MLLT3: variants seen among roughly 807,000 people sequenced by gnomAD.
The protein encoded by MLLT3 is protein AF-9.
In MLLT3, 4 loss-of-function variants were observed where a neutral mutation model predicts 53.2. The observed-to-expected ratio is 0.08, with a 90% CI of 0.04 to 0.17. The LOEUF is 0.17. Ranked by LOEUF, MLLT3 falls within the 10% of genes least tolerant of loss-of-function variation. The pLI, the probability that MLLT3 is intolerant of heterozygous loss-of-function variation, is 1.00. For synonymous variants in MLLT3, 283 were observed against 230.6 expected (o/e 1.23, Z -2.06); for missense variants, 569 against 684.0 (o/e 0.83, Z 1.87).
intron 5 of MLLT3, among the ~76,000 whole-genome samples, chr9:20,384,849 AC>A (rs1821994664): frequency 6.6e-6 from 1 of 152,040 alleles, no homozygotes; most frequent in Non-Finnish European, 1.5e-5. Context: ...TCTCTGCCAA[AC>A]CAAATTTGAC....
intron 2 of MLLT3, among the ~76,000 whole-genome samples, chr9:20,473,390 AATGTT>A (rs1471281547): frequency 6.6e-6 from 1 of 152,144 alleles, no homozygotes; most frequent in Non-Finnish European, 1.5e-5. Context: ...AATTGTTAAT[AATGTT>A]GAGTTTCACC....
intron 2 of MLLT3, among the ~76,000 whole-genome samples, chr9:20,539,727 C>T (rs1412897966): frequency 6.6e-6 from 1 of 152,126 alleles, no homozygotes; most frequent in Non-Finnish European, 1.5e-5. Flanking sequence ...TCATTCTTCC[C>T]CTGACCCCTC....
chr9:20,606,516 GTACTTTTA>G (rs1820575922), intron 2 of MLLT3, among the ~76,000 whole-genome samples: 2 of 152,094 alleles, frequency 1.3e-5, no homozygotes, highest in Admixed American at 1.3e-4. Flanking sequence ...AGGCTACAAA[GTACTTTTA>G]TTTGAAAAGC....
chr9:20,491,449 G>A (rs1030320998), intron 2 of MLLT3, among the ~76,000 whole-genome samples: 1 of 151,954 alleles, frequency 6.6e-6, no homozygotes, highest in Non-Finnish European at 1.5e-5. Context: ...CAATAATATA[G>A]AAAGACATCA....
chr9:20,564,348 AG>A (rs1205843772), intron 2 of MLLT3, among the ~76,000 whole-genome samples: 1 of 152,152 alleles, frequency 6.6e-6, no homozygotes, highest in African/African-American at 2.4e-5. Context: ...CTTAGAAAAG[AG>A]ATGGCTCTTA....
In MLLT3 at chr9:20,531,937, T is replaced by A. The variant is rs79458457; in HGVS notation, c.194-75151A>T. Among the ~76,000 whole-genome samples the A allele has an allele frequency of 3.4e-3, 521 of 152,088 alleles. 14 individuals are homozygous for A. The East Asian group carries it at 0.055, about 16-fold the overall frequency. ...TAGCTTTCACAGGAAAAGCTAAAAA[T>A]TTTCATTTTAGTTTAGACTAAATAA... On this transcript the variant is annotated intron_variant, in intron 2 of 10. Transcript: ENST00000380338.
intron 2 of MLLT3, among the ~76,000 whole-genome samples, chr9:20,492,622 G>C (rs987665288): frequency 2.0e-5 from 3 of 151,734 alleles, no homozygotes; most frequent in African/African-American, 7.3e-5. Context: ...TAATGTGCTA[G>C]ATTTAATAGA....
intron 2 of MLLT3, among the ~76,000 whole-genome samples, chr9:20,468,136 T>C (rs1824281381): frequency 1.3e-5 from 2 of 152,232 alleles, no homozygotes; most frequent in African/African-American, 2.4e-5. Flanking sequence ...TTATCCATGC[T>C]AGAAAGCATG....
chr9:20,407,638 C>G (rs1201894197), intron 5 of MLLT3, among the ~76,000 whole-genome samples: 1 of 152,202 alleles, frequency 6.6e-6, no homozygotes, highest in Admixed American at 6.5e-5. Context: ...TTACCACCAA[C>G]CTCCTCTTAG....
At chr9:20,600,256 T>A (rs1377968486) in intron 2 of MLLT3, among the ~76,000 whole-genome samples, 7 of 152,190 alleles carry the variant, frequency 4.6e-5, no homozygotes, top group African/African-American at 1.7e-4. Context: ...CATCTTGTTG[T>A]GCTGTTATTG....
rs1236252077 is a variant in MLLT3, at chr9:20,345,052, A to G, written c.*1391T>C. The G allele has an allele frequency of 1.4e-5, 3 of 216,630 alleles. No homozygotes were observed. The highest frequency in any genetic ancestry group is 6.7e-5 in the African/African-American group (3 of 44,488). The allele number at this position is 216,630 out of a possible 1,614,324, so 13.4% of individuals were successfully genotyped here. A position where few individuals can be genotyped will look rare whatever the true frequency, so the allele number is the denominator to read the frequency against. ...TGGAGAAGATGGAATAATGACACCA[A>G]AAGTACTTTGGTTTTTTTCTTTTAA... is the stretch of plus-strand genomic sequence containing the variant. On this transcript the variant is annotated 3_prime_UTR_variant, in exon 11 of 11. Coordinates refer to ENST00000380338, the MANE Select transcript of MLLT3 (RefSeq NM_004529.4).
Position 20,471,018 on chromosome 9 carries a change from ATCACTGATG to A in MLLT3, c.194-14241_194-14233del, listed in dbSNP as rs533224411. Among the ~76,000 whole-genome samples the A allele has an allele frequency of 3.1e-4, 47 of 152,106 alleles. 1 individual carries two copies. The South Asian group carries it at 9.7e-3, about 31-fold the overall frequency. On this transcript the variant is annotated intron_variant, in intron 2 of 10. Transcript: ENST00000380338. ...ACACCTTTCATCACGTCCCTGAAAGATCACTGATGTCACATAAATCTATAACATAAGGAA... is the reference window on the plus strand; with the variant it reads ...ACACCTTTCATCACGTCCCTGAAAGATCACATAAATCTATAACATAAGGAA...
intron 2 of MLLT3, among the ~76,000 whole-genome samples, chr9:20,565,969 T>TTATAAAATATATATATATATAA (rs1563820603): frequency 3.9e-4 from 15 of 38,530 alleles, no homozygotes; most frequent in Non-Finnish European, 6.0e-4. Flanking sequence ...TATATATATT[T>TTATAAAATATATATATATATAA]ATATATATAT....
chr9:20,385,691 C>T (rs1329032376), intron 5 of MLLT3, among the ~76,000 whole-genome samples: 1 of 152,108 alleles, frequency 6.6e-6, no homozygotes, highest in Non-Finnish European at 1.5e-5. Flanking sequence ...CAAGTCACAA[C>T]ATTTAAAAAT....
chr9:20,492,822 TC>T (rs1824983130), intron 2 of MLLT3, among the ~76,000 whole-genome samples: 1 of 151,970 alleles, frequency 6.6e-6, no homozygotes, highest in Non-Finnish European at 1.5e-5. Context: ...AGCTTATAGA[TC>T]TGATCTTGAA....
At chr9:20,439,589 G>A (rs1028423688) in intron 4 of MLLT3, among the ~76,000 whole-genome samples, 1 of 152,088 alleles carries the variant, frequency 6.6e-6, no homozygotes, top group Non-Finnish European at 1.5e-5. Flanking sequence ...AGAGCACCAG[G>A]AAGGGGAGTG....
chr9:20,484,265 G>C (rs1824747863), intron 2 of MLLT3, among the ~76,000 whole-genome samples: 1 of 151,954 alleles, frequency 6.6e-6, no homozygotes, highest in South Asian at 2.1e-4. Flanking sequence ...TTCCATTTAG[G>C]TCTACTAAAA....
At chr9:20,580,533 C>A (rs1428960858) in intron 2 of MLLT3, among the ~76,000 whole-genome samples, 1 of 152,004 alleles carries the variant, frequency 6.6e-6, no homozygotes, top group Non-Finnish European at 1.5e-5. Context: ...TTTTTTTAAT[C>A]CATTTGCTTT....
chr9:20,442,569 C>CA (rs2118837031), intron 4 of MLLT3, among the ~76,000 whole-genome samples: 1 of 152,190 alleles, frequency 6.6e-6, no homozygotes, highest in African/African-American at 2.4e-5. Flanking sequence ...AACTCCCCTA[C>CA]AAAGGAAACA....
Sources: gnomAD v4.1 joint callset for allele counts (sites outside exome capture counted in the v4.1 genomes callset) on GRCh38, gnomAD v4.1.1 for gene constraint, MANE v1.5 for transcripts, NCBI Gene and HGNC (gene_info 2026-07-23, HGNC 2026-07-21) for gene names.